Variants in RBM10 observed in about 807,000 individuals in gnomAD.
The protein encoded by RBM10 is RNA-binding protein 10.
RBM10 carries 1 observed loss-of-function variant against 84.9 expected under a neutral mutation model. The ratio of observed to expected loss-of-function variants is 0.01; its 90% CI spans 0.00 to 0.06. The LOEUF is 0.06. RBM10 is among the 10% of genes least tolerant of loss of function. The pLI is 1.00. For synonymous variants in RBM10, 326 were observed against 344.5 expected, an observed-to-expected ratio of 0.95 and a Z score of 0.60; for missense variants, 438 against 839.0, an observed-to-expected ratio of 0.52 and a Z score of 5.90.
chrX:47,151,856 G>A (rs73630257), intron 2 of RBM10, among the ~76,000 whole-genome samples: 9,778 of 111,996 alleles, frequency 0.087, 959 homozygotes, highest in African/African-American at 0.29. Flanking sequence ...TCTAATCTTC[G>A]TTTGCTAAGA....
intron 2 of RBM10, among the ~76,000 whole-genome samples, chrX:47,152,324 AAAATATCTC>A (rs1932818366): frequency 1.8e-5 from 2 of 111,587 alleles, no homozygotes; most frequent in African/African-American, 3.3e-5. Context: ...TCTTACTTTG[AAAATATCTC>A]AAATTTACAG....
At chrX:47,173,033 G>A (rs1230606135) in intron 4 of RBM10, 95 bp from the exon 5 acceptor site, 26 of 1,196,522 alleles carry the variant, frequency 2.2e-5, no homozygotes, top group African/African-American at 1.9e-4. Context: ...GCACATCACC[G>A]ATGACCCCTC....
chrX:47,170,942 C>A, intron 3 of RBM10, 86 bp from the exon 4 acceptor site: 1 of 994,344 alleles, frequency 1.0e-6, no homozygotes, highest in Non-Finnish European at 1.4e-6. Flanking sequence ...TCAGAGCCTG[C>A]CTGCCTCACA....
chrX:47,180,347 T>TCCCCCCCCCCCCCCCCCC, intron 11 of RBM10, 38 bp downstream of exon 11: 1 of 210,701 alleles, frequency 4.7e-6, no homozygotes. Flanking sequence ...ACCCTTCCCC[T>TCCCCCCCCCCCCCCCCCC]CCCCACCCTC....
chrX:47,162,825 G>C (rs1556767220), intron 2 of RBM10, among the ~76,000 whole-genome samples: 1 of 108,008 alleles, frequency 9.3e-6, no homozygotes, highest in Non-Finnish European at 1.9e-5. Context: ...GAGCTGAGAT[G>C]GCGCCACCGC....
chrX:47,182,109 G>C (rs1935593876), intron 16 of RBM10, 53 bp from the exon 17 acceptor site: 1 of 1,211,329 alleles, frequency 8.3e-7, no homozygotes, highest in South Asian at 1.8e-5. Flanking sequence ...AGCCCTGCAG[G>C]TTCCCTTCAC....
At chrX:47,174,969 C>A (rs2147149852) in intron 5 of RBM10, 50 bp from the exon 6 acceptor site, 1 of 1,114,838 alleles carries the variant, frequency 9.0e-7, no homozygotes, top group Non-Finnish European at 1.2e-6. Context: ...CGCCGTGTGT[C>A]CAAAGCTGTT....
chrX:47,166,482 T>C (rs1934222207), intron 2 of RBM10, among the ~76,000 whole-genome samples: 1 of 110,736 alleles, frequency 9.0e-6, no homozygotes, highest in South Asian at 3.8e-4. Context: ...TTTTTTTTTT[T>C]TCTTGAGATG....
chrX:47,172,695 C>T (rs1462687253), intron 4 of RBM10, among the ~76,000 whole-genome samples: 1 of 112,773 alleles, frequency 8.9e-6, no homozygotes, highest in Non-Finnish European at 1.9e-5. Context: ...ACGCAAGCTG[C>T]AGGTCAGCAG....
chrX:47,173,931 C>CTT (rs1265870377), intron 5 of RBM10, among the ~76,000 whole-genome samples: 7 of 85,653 alleles, frequency 8.2e-5, no homozygotes, highest in Admixed American at 1.3e-4. Flanking sequence ...CTCTCTCTCT[C>CTT]TCTTTCTCCC....
intron 9 of RBM10, 156 bp from the exon 10 acceptor site, chrX:47,179,724 C>T: frequency 2.3e-6 from 2 of 854,860 alleles, no homozygotes; most frequent in Non-Finnish European, 3.3e-6. Flanking sequence ...CCTGGACCGC[C>T]AAGCAGAGTT....
At position 47,179,961 on chromosome X, in the gene RBM10, C is replaced by T. The variant is rs1174888578; in HGVS notation, c.983C>T (p.Ser328Phe). The change falls in exon 10 of 24, where the codon TCC becomes TTC. Residue 328 changes from serine to phenylalanine, a missense_variant. Transcript: ENST00000377604. The part of the protein sequence containing the change: ...GALAPYAVLS[S>F]SNVRVIKDKQ... The stretch of plus-strand genomic sequence containing the variant: ...CTGGCACCCTACGCGGTGCTGTCCT[C>T]CTCCAACGTGCGCGTCATAAAGGAC... 1.7e-6 allele frequency: 2 copies of T among 1,209,621 alleles called. No individual in the cohort carries two copies. Among genetic ancestry groups the T allele is most frequent in the African/African-American group, 3.5e-5 (2 of 57,172 alleles).
intron 2 of RBM10, among the ~76,000 whole-genome samples, chrX:47,152,590 G>A (rs1932832830): frequency 1.9e-5 from 2 of 105,700 alleles, no homozygotes; most frequent in Non-Finnish European, 3.9e-5. Flanking sequence ...GGGATTACAC[G>A]CGCCTGCCAG....
In RBM10 at chrX:47,171,084, C is replaced by G. The variant is rs1349981369; in HGVS notation, c.258C>G (p.His86Gln). The G allele has an allele frequency of 5.0e-6, 6 of 1,210,896 alleles. No homozygotes were observed. The highest frequency in any genetic ancestry group is 1.7e-5 in the African/African-American group (1 of 57,794). The change falls in exon 4 of 24, where the codon CAC (histidine) becomes CAG (glutamine). Residue 86 changes from histidine (H) to glutamine (Q), a missense_variant. This residue lies in a region of RBM10 where 92 missense variants were observed against 134.3 expected (regional missense o/e 0.69). Coordinates refer to ENST00000377604, the MANE Select transcript of RBM10 (RefSeq NM_005676.5). ...CTCAGCGTAGGCGGCGGCGGCGGCACAGGCACAGCCCCACCGGCCCGCCAG... is the reference window on the plus strand; with the variant it reads ...CTCAGCGTAGGCGGCGGCGGCGGCAGAGGCACAGCCCCACCGGCCCGCCAG... ...SETQRRRRRR[H>Q]RHSPTGPPGF... is the part of the protein sequence containing the mutation.
chrX:47,180,791 A>C (rs1935473216), intron 12 of RBM10, among the ~76,000 whole-genome samples: 1 of 111,798 alleles, frequency 8.9e-6, no homozygotes, highest in Non-Finnish European at 1.9e-5. Flanking sequence ...TGTCCTGAAT[A>C]GGTATGATAT....
At chrX:47,149,433 T>C (rs1439605017) in intron 2 of RBM10, among the ~76,000 whole-genome samples, 1 of 112,317 alleles carries the variant, frequency 8.9e-6, no homozygotes, top group African/African-American at 3.2e-5. Flanking sequence ...CAGTCTTGGC[T>C]GACCACAACC....
At chrX:47,183,221 A>C (rs1935666201) in intron 17 of RBM10, among the ~76,000 whole-genome samples, 1 of 111,574 alleles carries the variant, frequency 9.0e-6, no homozygotes, top group South Asian at 3.7e-4. Flanking sequence ...TTAAATGGAG[A>C]CTCAAAAGGT....
intron 21 of RBM10, 109 bp downstream of exon 21, chrX:47,185,899 T>C: frequency 1.7e-6 from 2 of 1,164,456 alleles, no homozygotes; most frequent in South Asian, 1.9e-5. Context: ...TGAGCCTTCT[T>C]CCCCATTTTC....
rs35919377 is a variant in RBM10 at position 47,163,859 on chromosome X, A to ATTTTTT, written c.18-5434_18-5429dup. Among the ~76,000 whole-genome samples, 77 of 40,110 alleles carry ATTTTTT rather than the reference A, an allele frequency of 1.9e-3. 10 individuals carry two copies. The highest frequency in any genetic ancestry group is 0.012 in the African/African-American group (74 of 6,222). The allele number at this position is 40,110 out of a possible 115,157, so 34.8% of individuals were successfully genotyped here. A position where few individuals can be genotyped will look rare whatever the true frequency, so the allele number is the denominator to read the frequency against. ...AGGCGCCTGCCACCACGCCTGGCTAATTTTTTTTTTTTTTTTTTTTTTTTT... is the reference window on the plus strand; with the variant it reads ...AGGCGCCTGCCACCACGCCTGGCTAATTTTTTTTTTTTTTTTTTTTTTTTTTTTTTT... On this transcript the variant is annotated intron_variant, in intron 2 of 23. Transcript: ENST00000377604.
Sources: allele counts gnomAD v4.1 joint callset (sites outside exome capture counted in the v4.1 genomes callset), GRCh38; gene constraint gnomAD v4.1.1; regional missense constraint gnomAD v4.1.1; transcripts MANE v1.5; gene names NCBI Gene and HGNC (gene_info 2026-07-23, HGNC 2026-07-21).